Variants in KIF4A observed in about 807,000 individuals in gnomAD.
The protein encoded by KIF4A is chromosome-associated kinesin KIF4A.
KIF4A carries 7 observed loss-of-function variants against 105.9 expected under a neutral mutation model. The ratio of observed to expected loss-of-function variants is 0.07; its 90% CI spans 0.04 to 0.12. The LOEUF (loss-of-function observed/expected upper bound fraction) is 0.12. KIF4A is among the 10% of genes least tolerant of loss of function. The probability of loss-of-function intolerance (pLI) is 1.00; values close to 1 mark genes in which losing one functional copy is unlikely to be tolerated. For synonymous variants in KIF4A, 281 were observed against 331.3 expected (o/e 0.85, Z 1.65); for missense variants, 558 against 929.2 (o/e 0.60, Z 5.19).
intron 18 of KIF4A, among the ~76,000 whole-genome samples, chrX:70,382,211 C>G (rs1170484144): frequency 8.9e-6 from 1 of 112,291 alleles, no homozygotes. Context: ...GGGTGGATCA[C>G]TTGAGGTCAG....
chrX:70,342,144 G>A (rs895812989), intron 11 of KIF4A, among the ~76,000 whole-genome samples: 2 of 112,370 alleles, frequency 1.8e-5, no homozygotes, highest in African/African-American at 6.5e-5. Flanking sequence ...GAACACCTAT[G>A]TATCTACCAC....
chrX:70,342,016 G>C (rs1290703829), intron 11 of KIF4A, 85 bp downstream of exon 11: 1 of 1,090,116 alleles, frequency 9.2e-7, no homozygotes, highest in African/African-American at 1.8e-5. Context: ...CTCATTATGA[G>C]AGACAGGTTA....
intron 15 of KIF4A, among the ~76,000 whole-genome samples, chrX:70,365,679 A>T (rs1333358238): frequency 9.0e-6 from 1 of 111,237 alleles, no homozygotes; most frequent in East Asian, 2.8e-4. Flanking sequence ...ATCGATGTTC[A>T]TCAGGGATAT....
intron 5 of KIF4A, among the ~76,000 whole-genome samples, chrX:70,299,411 C>T (rs2085796251): frequency 9.0e-6 from 1 of 110,683 alleles, no homozygotes; most frequent in Admixed American, 9.7e-5. Flanking sequence ...AGTTTTATCA[C>T]CTTCCTGTTA....
chrX:70,419,591 G>A, intron 29 of KIF4A, 70 bp from the exon 30 acceptor site: 1 of 1,172,430 alleles, frequency 8.5e-7, no homozygotes, highest in Non-Finnish European at 1.2e-6. Context: ...CTCTTTGGTT[G>A]AATGGGAGCA....
intron 15 of KIF4A, among the ~76,000 whole-genome samples, chrX:70,358,530 C>G (rs966664569): frequency 8.9e-6 from 1 of 111,972 alleles, no homozygotes; most frequent in African/African-American, 3.2e-5. Context: ...ATTGTTCCTT[C>G]TTATAGCCTT....
Position 70,405,830 on chromosome X carries a change from T to C in KIF4A, c.2901T>C (p.Asp967=), listed in dbSNP as rs2086297929. The change falls in exon 26 of 31, where the codon GAT becomes GAC. Residue 967 remains aspartate (D), a splice_region_variant and synonymous_variant. Transcript: ENST00000374403. ...ATCACTGCACTATCTGGAAATAGGA[T>C]GAAGAACTTGAGAAAATGCGAGAAG... ...QQLLSTLKCQ[D]EELEKMREVC... 5 of 1,202,264 alleles carry C rather than the reference T, an allele frequency of 4.2e-6. No homozygotes were observed. The highest frequency in any genetic ancestry group is 5.6e-6 in the Non-Finnish European group (5 of 887,076).
At chrX:70,360,412 G>A (rs2086070299) in intron 15 of KIF4A, among the ~76,000 whole-genome samples, 1 of 112,252 alleles carries the variant, frequency 8.9e-6, no homozygotes, top group Non-Finnish European at 1.9e-5. Flanking sequence ...AGAGAAGGGG[G>A]CTCCTCAGCA....
At chrX:70,311,952 TAAAAAAAAAAA>T (rs753894780) in intron 7 of KIF4A, among the ~76,000 whole-genome samples, 1 of 81,983 alleles carries the variant, frequency 1.2e-5, no homozygotes, top group Non-Finnish European at 2.4e-5. Context: ...GGACCGTCTC[TAAAAAAAAAAA>T]AAGAAAAAAA....
At position 70,398,280 on chromosome X, in the gene KIF4A, G is replaced by A. The variant is rs186527937; in HGVS notation, c.2489+2231G>A. Among the ~76,000 whole-genome samples, 221 of 111,906 alleles carry A rather than the reference G, an allele frequency of 2.0e-3. 2 individuals are homozygous for A. Among genetic ancestry groups the A allele is most frequent in the African/African-American group, 5.7e-3 (177 of 30,783 alleles). The stretch of plus-strand genomic sequence containing the variant: ...CTCGAACTCCTGGCCTCAAGCGATC[G>A]GCCTGCCTTGGCCTCCCAAAGTTCC... On this transcript the variant is annotated intron_variant, in intron 22 of 30. Coordinates refer to ENST00000374403, the MANE Select transcript of KIF4A (RefSeq NM_012310.5).
At chrX:70,411,315 AAAG>A (rs35924385) in intron 28 of KIF4A, among the ~76,000 whole-genome samples, 1,779 of 110,869 alleles carry the variant, frequency 0.016, 37 homozygotes, top group African/African-American at 0.055. Context: ...AAAAAAAAAA[AAAG>A]AATGGAGATT....
At chrX:70,336,715 G>T (rs2085952088) in intron 10 of KIF4A, among the ~76,000 whole-genome samples, 2 of 110,892 alleles carry the variant, frequency 1.8e-5, no homozygotes, top group South Asian at 7.7e-4. Context: ...TGGTCCTTTG[G>T]CCTCTTTTTA....
At chrX:70,359,281 A>G (rs1261543986) in intron 15 of KIF4A, among the ~76,000 whole-genome samples, 1 of 111,485 alleles carries the variant, frequency 9.0e-6, no homozygotes, top group Admixed American at 9.6e-5. Context: ...TTAATAGGAC[A>G]TACAATGCAG....
At chrX:70,379,004 C>CA (rs1017265283) in intron 18 of KIF4A, among the ~76,000 whole-genome samples, 2 of 105,489 alleles carry the variant, frequency 1.9e-5, no homozygotes, top group African/African-American at 3.4e-5. Flanking sequence ...AAAATACAAA[C>CA]AAAAAAAAAT....
chrX:70,323,155 C>T (rs1160612573), intron 7 of KIF4A, among the ~76,000 whole-genome samples: 1 of 111,129 alleles, frequency 9.0e-6, no homozygotes, highest in African/African-American at 3.3e-5. Flanking sequence ...TTCCCTCTAT[C>T]TTCATGTGGC....
At chrX:70,310,348 T>TGTGTGTGTGTGTGC (rs56051172) in intron 7 of KIF4A, among the ~76,000 whole-genome samples, 41 of 107,557 alleles carry the variant, frequency 3.8e-4, no homozygotes, top group Non-Finnish European at 5.7e-4. Context: ...TGTGTGTGTG[T>TGTGTGTGTGTGTGC]GCCTGGATTC....
At chrX:70,412,289 T>C (rs1216545548) in intron 28 of KIF4A, among the ~76,000 whole-genome samples, 1 of 111,924 alleles carries the variant, frequency 8.9e-6, no homozygotes, top group African/African-American at 3.2e-5. Context: ...GAAAGTTACT[T>C]CTTGTTTAGC....
chrX:70,372,523 A>T (rs1479028615), intron 15 of KIF4A, among the ~76,000 whole-genome samples: 1 of 114,325 alleles, frequency 8.7e-6, no homozygotes, highest in Non-Finnish European at 1.9e-5. Flanking sequence ...CGCGCCTGCA[A>T]TCGCAGGCAC....
chrX:70,327,962 G>C (rs1422793541), intron 7 of KIF4A, among the ~76,000 whole-genome samples: 1 of 111,665 alleles, frequency 9.0e-6, no homozygotes, highest in African/African-American at 3.3e-5. Context: ...AGAAGAGGCT[G>C]ATCTACTGAC....
Sources: allele counts gnomAD v4.1 joint callset (sites outside exome capture counted in the v4.1 genomes callset), GRCh38; gene constraint gnomAD v4.1.1; transcripts MANE v1.5; gene names NCBI Gene and HGNC (gene_info 2026-07-23, HGNC 2026-07-21).